Variants in NCOR2 observed in about 807,000 individuals in gnomAD.
NCOR2 encodes the protein CTG repeat protein 26.
Under a neutral mutation model 262.9 loss-of-function variants are expected in NCOR2, and 81 were observed. The observed-to-expected ratio is 0.31, with a 90% CI of 0.26 to 0.37. NCOR2 has a LOEUF of 0.37. Ranked by LOEUF, NCOR2 falls within the 10% of genes least tolerant of loss-of-function variation. The pLI, the probability that NCOR2 is intolerant of heterozygous loss-of-function variation, is 1.00. For missense variants in NCOR2, 3,385 were observed against 3,621.4 expected (o/e 0.93, Z 1.68); for synonymous variants, 1,659 against 1,559.3 (o/e 1.06, Z -1.51).
chr12:124,396,784 C>A (rs1020179575), intron 16 of NCOR2, among the ~76,000 whole-genome samples: 1 of 152,108 alleles, frequency 6.6e-6, no homozygotes, highest in Non-Finnish European at 1.5e-5. Context: ...ACCCTCAGCA[C>A]CCCCCACAAC....
rs78417619 is a variant in NCOR2 at position 124,381,177 on chromosome 12, C to T, written c.2020-2793G>A. ...CTGCCTCTCCAAGCTGCTCTCCCCT[C>T]TCCCCTCCTCAGAGACTGTGCTACA... On this transcript the variant is annotated intron_variant, in intron 17 of 46. Transcript: ENST00000405201. Among the ~76,000 whole-genome samples, 1,378 of 152,216 alleles carry T rather than the reference C, an allele frequency of 9.1e-3. 32 individuals carry two copies. The highest frequency in any genetic ancestry group is 0.088 in the South Asian group (424 of 4,814).
chr12:124,445,021 C>T (rs1294910523), intron 7 of NCOR2, among the ~76,000 whole-genome samples: 4 of 152,128 alleles, frequency 2.6e-5, no homozygotes, highest in African/African-American at 4.8e-5. Context: ...TGCACAGCCC[C>T]GGGTCTGACA....
At chr12:124,430,825 G>C in intron 8 of NCOR2, 38 bp from the exon 11 acceptor site, 1 of 1,558,948 alleles carries the variant, frequency 6.4e-7, no homozygotes, top group South Asian at 1.2e-5. Flanking sequence ...AGATGCTCCT[G>C]CACCTGGCAC....
chr12:124,472,006 C>T (rs1243733), intron 4 of NCOR2, among the ~76,000 whole-genome samples: 19,257 of 152,220 alleles, frequency 0.13, 1,380 homozygotes, highest in East Asian at 0.21. Flanking sequence ...GATACACAAA[C>T]AAGTGGTCGT....
At chr12:124,492,932 G>A (rs1241853199) in intron 1 of NCOR2, among the ~76,000 whole-genome samples, 1 of 152,188 alleles carries the variant, frequency 6.6e-6, no homozygotes, top group Non-Finnish European at 1.5e-5. Context: ...AGGAGGGTCC[G>A]ATATGGGGCA....
chr12:124,505,494 G>A (rs1006729553), intron 1 of NCOR2, among the ~76,000 whole-genome samples: 5 of 152,200 alleles, frequency 3.3e-5, no homozygotes, highest in African/African-American at 1.2e-4. Context: ...TGAGCCCCTC[G>A]GTCACTGAAA....
intron 1 of NCOR2, among the ~76,000 whole-genome samples, chr12:124,515,363 A>C (rs2049669351): frequency 1.5e-5 from 2 of 130,244 alleles, no homozygotes; most frequent in African/African-American, 2.8e-5. Context: ...ACGGAGTGAG[A>C]CTCGGTTTCA....
intron 14 of NCOR2, among the ~76,000 whole-genome samples, chr12:124,401,475 C>T (rs895868862): frequency 1.3e-5 from 2 of 152,196 alleles, no homozygotes; most frequent in African/African-American, 2.4e-5. Context: ...ATTTATAGGG[C>T]CATTTTATTC....
chr12:124,501,074 A>G (rs781230760), intron 1 of NCOR2, among the ~76,000 whole-genome samples: 23,022 of 129,032 alleles, frequency 0.18, 1,934 homozygotes, highest in Non-Finnish European at 0.2. Flanking sequence ...ACACACACAC[A>G]CACACACACA....
intron 5 of NCOR2, among the ~76,000 whole-genome samples, chr12:124,461,150 T>C (rs758434845): frequency 6.6e-6 from 1 of 152,208 alleles, no homozygotes; most frequent in Non-Finnish European, 1.5e-5. Flanking sequence ...CAGGCCTTTC[T>C]CAATCCCGCT....
At chr12:124,363,837 G>T in intron 20 of NCOR2, 38 bp from the exon 23 acceptor site, 2 of 1,320,228 alleles carry the variant, frequency 1.5e-6, no homozygotes, top group South Asian at 5.2e-5. Context: ...GGGGCCCACA[G>T]CCGGACTCTC....
At chr12:124,439,255 AGAGAGATG>A (rs2044647303) in intron 7 of NCOR2, among the ~76,000 whole-genome samples, 1 of 150,388 alleles carries the variant, frequency 6.6e-6, no homozygotes. Context: ...ACCCAGAGAG[AGAGAGATG>A]GAGACCCTGA....
chr12:124,409,939 A>G (rs1420667067), intron 13 of NCOR2, among the ~76,000 whole-genome samples: 1 of 151,826 alleles, frequency 6.6e-6, no homozygotes, highest in African/African-American at 2.4e-5. Flanking sequence ...TCAGCCTCCC[A>G]AAGTGCTGGG....
At chr12:124,388,340 C>T (rs114890969) in intron 16 of NCOR2, among the ~76,000 whole-genome samples, 13,822 of 152,120 alleles carry the variant, frequency 0.091, 771 homozygotes, top group South Asian at 0.15. Context: ...GCAGAGGCTG[C>T]CAGGCACGGA....
At chr12:124,541,472 C>T (rs1375197596) in intron 1 of NCOR2, among the ~76,000 whole-genome samples, 8 of 1,226 alleles carry the variant, frequency 6.5e-3, no homozygotes, top group South Asian at 0.05. Flanking sequence ...TGGAGGGGGA[C>T]GGGGAGTGGA....
Position 124,336,474 on chromosome 12 carries a change from C to T in NCOR2, c.6115+279G>A, listed in dbSNP as rs937547737. The T allele has an allele frequency of 1.0e-4, 55 of 549,842 alleles. 1 individual carries two copies. In the Admixed American group the frequency reaches 1.8e-3, roughly 18 times the overall value. The allele number at this position is 549,842 out of a possible 1,614,324, so 34.1% of individuals were successfully genotyped here. On this transcript the variant is annotated intron_variant, in intron 38 of 46. Transcript: ENST00000405201. Reference sequence around the variant, plus strand: ...AGCGCCCCCAAACCAGAGGGGCAGGCGCGGCCGGAGTAGTCGTCAGCGCGT... The same window carrying T: ...AGCGCCCCCAAACCAGAGGGGCAGGTGCGGCCGGAGTAGTCGTCAGCGCGT...
rs1360881224 is a variant in NCOR2 at position 124,432,749 on chromosome 12, A to G, written c.883-1962T>C. On this transcript the variant is annotated intron_variant, in intron 8 of 46. Coordinates refer to ENST00000405201, the Ensembl canonical transcript of NCOR2. This position sits in a 1 kb window ranked among gnomAD's most constrained non-coding sequence, Gnocchi z 5.1. Reference sequence around the variant, plus strand: ...CCAAGACAAGGAAGTCCCTCTCCACATCTAACCACAGTGCTGCCTGCTGCA... The same window carrying G: ...CCAAGACAAGGAAGTCCCTCTCCACGTCTAACCACAGTGCTGCCTGCTGCA... Among the ~76,000 whole-genome samples the G allele has an allele frequency of 2.0e-5, 3 of 151,878 alleles. No homozygotes were observed. The highest frequency in any genetic ancestry group is 1.3e-4 in the Admixed American group (2 of 15,246).
chr12:124,552,249 AG>A lies in NCOR2; in HGVS notation c.-165+15058del, dbSNP rs200099952. Among the ~76,000 whole-genome samples the A allele has an allele frequency of 1.6e-3, 250 of 151,938 alleles. 10 individuals are homozygous for A. In the East Asian group the frequency reaches 0.043, roughly 26 times the overall value. The stretch of plus-strand genomic sequence containing the variant: ...GATGGGAGGATTGCTTGAGCCTGGG[AG>A]GTCGAGGCTGCAGTGAGCTGCGAAT... On this transcript the variant is annotated intron_variant, in intron 1 of 32. Coordinates refer to the NCOR2 transcript ENST00000458234.
intron 1 of NCOR2, among the ~76,000 whole-genome samples, chr12:124,564,603 G>A (rs1368977061): frequency 6.7e-6 from 1 of 149,516 alleles, no homozygotes; most frequent in Admixed American, 6.7e-5. Context: ...CAGGAGGAGG[G>A]GCTGAGAGCC....
Sources: gnomAD v4.1 joint callset for allele counts (sites outside exome capture counted in the v4.1 genomes callset) on GRCh38, gnomAD v4.1.1 for gene constraint, Gnocchi (gnomAD v3.1) non-coding constraint, MANE v1.5 for transcripts, NCBI Gene and HGNC (gene_info 2026-07-23, HGNC 2026-07-21) for gene names.